The following TP63 variants were observed in gnomAD, a reference collection of about 807,000 sequenced individuals.
TP63 encodes the protein tumor protein p63, also known as tumor protein 63.
A neutral mutation model predicts 82.8 loss-of-function variants in TP63; 17 were observed. The observed-to-expected ratio is 0.21, with a 90% confidence interval of 0.14 to 0.31. TP63 has a LOEUF of 0.31. Among genes scored for constraint, TP63 ranks in the 10% least tolerant of loss-of-function variants. The pLI, the probability that TP63 is intolerant of heterozygous loss-of-function variation, is 1.00. For missense variants in TP63, 648 were observed against 895.3 expected (o/e 0.72, Z 3.52); for synonymous variants, 330 against 321.7 (o/e 1.03, Z -0.28).
intron 3 of TP63, among the ~76,000 whole-genome samples, chr3:189,755,922 G>A (rs1232344062): frequency 2.0e-5 from 3 of 152,142 alleles, no homozygotes; most frequent in African/African-American, 7.2e-5. Flanking sequence ...GTGGTCTATG[G>A]AAGGGATAGT....
intron 3 of TP63, among the ~76,000 whole-genome samples, chr3:189,782,213 C>T (rs1724281892): frequency 6.6e-6 from 1 of 152,102 alleles, no homozygotes; most frequent in South Asian, 2.1e-4. Context: ...AGTGTGGAAT[C>T]AGAAGGAAAA....
chr3:189,684,255 T>C (rs1716225174), intron 1 of TP63, among the ~76,000 whole-genome samples: 1 of 152,200 alleles, frequency 6.6e-6, no homozygotes, highest in African/African-American at 2.4e-5. Flanking sequence ...CTGAATAAGA[T>C]ACATTCTTCA....
chr3:189,715,338 C>T (rs7616178), intron 1 of TP63, among the ~76,000 whole-genome samples: 80,463 of 151,940 alleles, frequency 0.53, 21,517 homozygotes, highest in Middle Eastern at 0.66. Flanking sequence ...TTTGAAATTA[C>T]GGCATTTGTT....
At chr3:189,886,826 G>C (rs952290132) in intron 11 of TP63, among the ~76,000 whole-genome samples, 2 of 152,052 alleles carry the variant, frequency 1.3e-5, no homozygotes, top group Admixed American at 1.3e-4. Flanking sequence ...TGCTATCCTG[G>C]ATGGAGACTC....
the TP63 span, among the ~76,000 whole-genome samples, chr3:189,620,520 A>G: frequency 6.6e-6 from 1 of 151,738 alleles, no homozygotes; most frequent in Admixed American, 6.6e-5. Flanking sequence ...AAAAAAACAA[A>G]AAAAAAAAAC....
intron 4 of TP63, among the ~76,000 whole-genome samples, chr3:189,847,776 T>C (rs573546066): frequency 2.0e-5 from 3 of 152,196 alleles, no homozygotes; most frequent in Non-Finnish European, 2.9e-5. Context: ...CAAGCTCCCA[T>C]TGTGAGAATA....
At chr3:189,617,062 C>G in the TP63 span, among the ~76,000 whole-genome samples, 1 of 152,178 alleles carries the variant, frequency 6.6e-6, no homozygotes, top group Non-Finnish European at 1.5e-5. Context: ...CTGGCAAACT[C>G]CTGACCATTG....
chr3:189,739,885 G>C (rs6800495), intron 3 of TP63, among the ~76,000 whole-genome samples: 58 of 151,560 alleles, frequency 3.8e-4, no homozygotes, highest in African/African-American at 1.3e-3. Context: ...AGACAGCGGG[G>C]TGTCATAGAG....
At chr3:189,853,960 G>A (rs1447372854) in intron 4 of TP63, among the ~76,000 whole-genome samples, 3 of 152,086 alleles carry the variant, frequency 2.0e-5, no homozygotes, top group African/African-American at 7.3e-5. Context: ...TGAGGATAAA[G>A]ATCGATTTTT....
intron 1 of TP63, among the ~76,000 whole-genome samples, chr3:189,736,965 A>G (rs1317790064): frequency 6.6e-6 from 1 of 152,154 alleles, no homozygotes; most frequent in Non-Finnish European, 1.5e-5. Flanking sequence ...GCATCATCTG[A>G]GAAAGCTGAT....
At chr3:189,669,214 AG>A (rs1714676004) in intron 1 of TP63, among the ~76,000 whole-genome samples, 1 of 151,478 alleles carries the variant, frequency 6.6e-6, no homozygotes, top group Non-Finnish European at 1.5e-5. Flanking sequence ...ATATAGCAAA[AG>A]AAAAAAACAA....
At chr3:189,734,400 G>C (rs138448337) in intron 1 of TP63, among the ~76,000 whole-genome samples, 1 of 152,076 alleles carries the variant, frequency 6.6e-6, no homozygotes, top group South Asian at 2.1e-4. Flanking sequence ...GCCCTCTCCA[G>C]TCTGAATCCA....
intron 3 of TP63, among the ~76,000 whole-genome samples, chr3:189,757,423 T>C (rs765963222): frequency 5.3e-5 from 8 of 152,194 alleles, no homozygotes; most frequent in Non-Finnish European, 1.2e-4. Context: ...AAAACAAGGA[T>C]CAGGATTGAT....
At chr3:189,694,910 A>T (rs1717247707) in intron 1 of TP63, among the ~76,000 whole-genome samples, 1 of 137,226 alleles carries the variant, frequency 7.3e-6, no homozygotes, top group Non-Finnish European at 1.5e-5. Flanking sequence ...GTTTCAAGTG[A>T]TTCTCCTGCC....
At chr3:189,823,286 G>A (rs1728986313) in intron 4 of TP63, among the ~76,000 whole-genome samples, 1 of 152,188 alleles carries the variant, frequency 6.6e-6, no homozygotes, top group African/African-American at 2.4e-5. Flanking sequence ...GGATGGGCCA[G>A]CCTATGTAGG....
chr3:189,722,747 A>C (rs1245222773), intron 1 of TP63, among the ~76,000 whole-genome samples: 1 of 152,210 alleles, frequency 6.6e-6, no homozygotes, highest in Non-Finnish European at 1.5e-5. Flanking sequence ...AATATTCGTA[A>C]GGCACTTAGA....
chr3:189,799,861 A>G lies in TP63; in HGVS notation c.325-8411A>G, dbSNP rs189736761. Among the ~76,000 whole-genome samples, 17 of 152,228 alleles carry G rather than the reference A, an allele frequency of 1.1e-4. No individual in the cohort carries two copies. The East Asian group carries it at 3.3e-3, about 29-fold the overall frequency. ...ATAAAAGAGATACTTTCTGCAAGTA[A>G]TTTTCATGTTGAAGTGTTTTGCATT... On this transcript the variant is annotated intron_variant, in intron 3 of 13. Transcript: ENST00000264731.
chr3:189,837,825 A>G (rs1713373704), intron 4 of TP63, among the ~76,000 whole-genome samples: 1 of 151,638 alleles, frequency 6.6e-6, no homozygotes, highest in Non-Finnish European at 1.5e-5. Flanking sequence ...GGGTTTTGCC[A>G]TGTTTCCCAG....
intron 3 of TP63, among the ~76,000 whole-genome samples, chr3:189,767,584 T>G (rs1723045043): frequency 6.6e-6 from 1 of 152,192 alleles, no homozygotes; most frequent in Non-Finnish European, 1.5e-5. Flanking sequence ...AGTTTGATTT[T>G]CATTTCTAAC....
Sources: allele counts gnomAD v4.1 joint callset (sites outside exome capture counted in the v4.1 genomes callset), GRCh38; gene constraint gnomAD v4.1.1; transcripts MANE v1.5; gene names NCBI Gene and HGNC (gene_info 2026-07-23, HGNC 2026-07-21).